GAS2L2: variants seen among roughly 807,000 people sequenced by gnomAD.
GAS2L2 encodes GAS2-like protein 2.
GAS2L2 carries 21 observed loss-of-function variants against 35.2 expected under a neutral mutation model. The observed-to-expected ratio is 0.60, with a 90% CI of 0.42 to 0.86. The LOEUF is 0.86. GAS2L2 is among the 40% of genes least tolerant of loss of function. The pLI, the probability that GAS2L2 is intolerant of heterozygous loss-of-function variation, is 0.00. For missense variants in GAS2L2, 1,169 were observed against 1,144.4 expected, an observed-to-expected ratio of 1.02 and a Z score of -0.31; for synonymous variants, 490 against 473.2, an observed-to-expected ratio of 1.04 and a Z score of -0.46.
At position 35,745,379 on chromosome 17, in the gene GAS2L2, C is replaced by G. The variant is rs782116399; in HGVS notation, c.2118G>C (p.Lys706Asn). 3.8e-6 allele frequency: 6 copies of G among 1,589,818 alleles called. No individual in the cohort carries two copies. The highest frequency in any genetic ancestry group is 1.7e-4 in the Middle Eastern group (1 of 5,920). The part of the protein sequence containing the change: ...LGARQSGPRT[K>N]ASLSAKGTHM... Reference sequence around the variant, plus strand: ...GGGTGCCCTTGGCACTCAGGCTTGCCTTTGTCCTGGGCCCACTCTGTCTGG... The same window carrying G: ...GGGTGCCCTTGGCACTCAGGCTTGCGTTTGTCCTGGGCCCACTCTGTCTGG... Residue 706 changes from lysine to asparagine, a missense_variant, in exon 6 of 6, where the codon AAG becomes AAC. Lys to Asn is a moderately conservative substitution (Grantham distance 94, BLOSUM62 0). This residue lies in a region of GAS2L2 where 1,035 missense variants were observed against 976.5 expected (regional missense o/e 1.06). Transcript: ENST00000604641.
chr17:35,747,662 G>T (rs1311877213), intron 4 of GAS2L2, among the ~76,000 whole-genome samples, 187 bp downstream of exon 4: 1 of 152,112 alleles, frequency 6.6e-6, no homozygotes, highest in Admixed American at 6.6e-5. Flanking sequence ...CCGCCATCTT[G>T]TGGCGACATT....
rs781822719 is a variant in GAS2L2 at position 35,746,983 on chromosome 17, A to G, written c.1085+33T>C. 4 of 1,512,444 alleles carry G rather than the reference A, an allele frequency of 2.6e-6. No homozygotes were observed. In the East Asian group the frequency reaches 6.8e-5, roughly 26 times the overall value. The allele number at this position is 1,512,444 out of a possible 1,614,324, so 93.7% of individuals were successfully genotyped here. On this transcript the variant is annotated intron_variant, in intron 5 of 5. Coordinates refer to ENST00000604641, the MANE Select transcript of GAS2L2 (RefSeq NM_139285.4). Reference sequence around the variant, plus strand: ...CCTCTGAGAATGTGCACTCCAAAGGAAAAAGAGCCCCATCCCTGTCTCTTC... The same window carrying G: ...CCTCTGAGAATGTGCACTCCAAAGGGAAAAGAGCCCCATCCCTGTCTCTTC...
Position 35,746,397 on chromosome 17 carries a change from G to T in GAS2L2, c.1100C>A (p.Ser367Tyr), listed in dbSNP as rs782487976. Residue 367 changes from serine to tyrosine, a missense_variant, in exon 6 of 6, where the codon TCT becomes TAT. By Grantham distance (144) the Ser-to-Tyr change is moderately radical. Around this residue, in one of 3 missense-constraint regions of GAS2L2, gnomAD observed 1,035 missense variants for 976.5 expected, o/e 1.06. Transcript: ENST00000604641. ...MAPFLRCQER[S>Y]LIPSWRQPTA... ...CGGCTGCCTCCAAGATGGGATGAGA[G>T]ACCTCTCCTGGCACCTGAAAGGGAG... is the stretch of plus-strand genomic sequence containing the variant. The T allele has an allele frequency of 8.2e-6, 11 of 1,343,134 alleles. No individual in the cohort carries two copies. The highest frequency in any genetic ancestry group is 1.1e-5 in the Non-Finnish European group (11 of 1,038,708). 83.2% of individuals were successfully genotyped at this position (1,343,134 alleles called of 1,614,324 possible).
intron 1 of GAS2L2, among the ~76,000 whole-genome samples, chr17:35,751,701 CCTTT>C (rs2085704220): frequency 6.6e-6 from 1 of 151,520 alleles, no homozygotes; most frequent in Non-Finnish European, 1.5e-5. Context: ...AAATCTCCTT[CCTTT>C]ATGATGCAAA....
intron 1 of GAS2L2, among the ~76,000 whole-genome samples, chr17:35,751,658 A>C: frequency 7.0e-6 from 1 of 143,550 alleles, no homozygotes. Context: ...ACAGATCTAG[A>C]CTCAGTTTCA....
At position 35,747,721 on chromosome 17, in the gene GAS2L2, C is replaced by T. The variant is rs587640599; in HGVS notation, c.832+128G>A. On this transcript the variant is annotated intron_variant, in intron 4 of 5. Transcript: ENST00000604641. ...CTGCCTGCCTTCCTCCAGCCTCCCC[C>T]ACACCTCCCCACCTACCGCTCCCCT... The T allele has an allele frequency of 6.8e-6, 5 of 730,488 alleles. No homozygotes were observed. In the East Asian group the frequency reaches 8.1e-5, roughly 12 times the overall value. 45.3% of individuals were successfully genotyped at this position (730,488 alleles called of 1,614,324 possible). A position where few individuals can be genotyped will look rare whatever the true frequency, so the allele number is the denominator to read the frequency against.
At chr17:35,747,585 A>G (rs2085676918) in intron 4 of GAS2L2, among the ~76,000 whole-genome samples, 1 of 152,150 alleles carries the variant, frequency 6.6e-6, no homozygotes, top group Admixed American at 6.5e-5. Flanking sequence ...AACACTGTGG[A>G]TCCCAGAGCC....
chr17:35,749,540 A>C (rs1598395860), intron 2 of GAS2L2, among the ~76,000 whole-genome samples: 1 of 152,222 alleles, frequency 6.6e-6, no homozygotes, highest in Middle Eastern at 3.4e-3. Flanking sequence ...CCTGAGCTCC[A>C]TTTTCCCCAG....
intron 2 of GAS2L2, among the ~76,000 whole-genome samples, chr17:35,749,850 G>A (rs782783728): frequency 6.6e-6 from 1 of 152,326 alleles, no homozygotes; most frequent in Non-Finnish European, 1.5e-5. Context: ...ATCCAGTGCT[G>A]GGTTGGTAAG....
In GAS2L2 at chr17:35,746,381, C is replaced by T; in HGVS notation, c.1116G>A (p.Trp372Ter). ...RCQERSLIPS[W>*]RQPTAGDSPP... ...GGCTGTCCCCAGCTGTCGGCTGCCT[C>T]CAAGATGGGATGAGAGACCTCTCCT... is the stretch of plus-strand genomic sequence containing the variant. The change falls in exon 6 of 6, where the codon TGG becomes TGA. Residue 372 changes from tryptophan to a stop codon, truncating the protein, a stop_gained. Coordinates refer to ENST00000604641, the MANE Select transcript of GAS2L2 (RefSeq NM_139285.4). LOFTEE classifies it low-confidence loss of function (END_TRUNC). 7.4e-7 allele frequency: 1 copy of T among 1,347,370 alleles called. No homozygotes were observed. The highest frequency in any genetic ancestry group is 2.8e-5 in the Admixed American group (1 of 36,126). 83.5% of individuals were successfully genotyped at this position (1,347,370 alleles called of 1,614,324 possible).
intron 4 of GAS2L2, 91 bp from the exon 5 acceptor site, chr17:35,747,359 C>T (rs2085675688): frequency 1.4e-6 from 2 of 1,397,722 alleles, no homozygotes; most frequent in Non-Finnish European, 1.9e-6. Flanking sequence ...GTCCCATGCC[C>T]CGCATCCCAC....
Position 35,745,573 on chromosome 17 carries a change from C to A in GAS2L2, c.1924G>T (p.Gly642Trp). ...RSGVYIPRLA[G>W]QWPEPGGPYD... ...GGACCCCCAGGCTCAGGCCACTGCC[C>A]AGCCAGCCTGGGGATGTAGACCCCA... The change falls in exon 6 of 6, where the codon GGG becomes TGG. Residue 642 changes from glycine (G) to tryptophan (W), a missense_variant. Coordinates refer to ENST00000604641, the MANE Select transcript of GAS2L2 (RefSeq NM_139285.4). 1 of 1,613,772 alleles carries A rather than the reference C, an allele frequency of 6.2e-7. No homozygotes were observed. Among genetic ancestry groups the A allele is most frequent in the Non-Finnish European group, 8.5e-7 (1 of 1,179,976 alleles).
In GAS2L2 at chr17:35,745,510, G is replaced by A. The variant is rs141500997; in HGVS notation, c.1987C>T (p.Pro663Ser). Residue 663 changes from proline to serine, a missense_variant, in exon 6 of 6, where the codon CCA (proline) becomes TCA (serine). This residue lies in a region of GAS2L2 where 1,035 missense variants were observed against 976.5 expected (regional missense o/e 1.06). Coordinates refer to ENST00000604641, the MANE Select transcript of GAS2L2 (RefSeq NM_139285.4). ...KAIQELAQGS[P>S]SLLKVDLEAW... Reference sequence around the variant, plus strand: ...TCCAGGTCCACTTTAAGGAGGGATGGGGACCCCTGAGCCAGTTCTTGGATG... The same window carrying A: ...TCCAGGTCCACTTTAAGGAGGGATGAGGACCCCTGAGCCAGTTCTTGGATG... 3.8e-4 allele frequency: 611 copies of A among 1,609,434 alleles called. No individual in the cohort carries two copies. The highest frequency in any genetic ancestry group is 5.0e-4 in the Middle Eastern group (3 of 6,044).
chr17:35,747,927 T>C lies in GAS2L2; in HGVS notation c.754A>G (p.Met252Val), dbSNP rs201670008. 1.2e-6 allele frequency: 2 copies of C among 1,613,766 alleles called. No homozygotes were observed. Among genetic ancestry groups the C allele is most frequent in the Non-Finnish European group, 1.7e-6 (2 of 1,179,850 alleles). The change falls in exon 4 of 6, where the codon ATG (methionine) becomes GTG (valine). Residue 252 changes from methionine (M) to valine (V), a missense_variant. Physicochemically the swap from Met to Val is conservative, Grantham distance 21. This residue lies in a region of GAS2L2 where 1,035 missense variants were observed against 976.5 expected (regional missense o/e 1.06). Coordinates refer to ENST00000604641, the MANE Select transcript of GAS2L2 (RefSeq NM_139285.4). ...IFIRILRNHV[M>V]VRVGGGWDTL... is the part of the protein sequence containing the mutation. ...TCCCAGCCGCCCCCTACACGTACCA[T>C]CACATGGTTCCGGAGGATCTGAGGG...
At position 35,746,425 on chromosome 17, in the gene GAS2L2, T is replaced by G; in HGVS notation, c.1086-14A>C. The stretch of plus-strand genomic sequence containing the variant: ...CTCTCCTGGCACCTGAAAGGGAGAA[T>G]CACAAGGCTGCAAAGGGAGACTCAT... On this transcript the variant is annotated splice_polypyrimidine_tract_variant and intron_variant, in intron 5 of 5. Transcript: ENST00000604641. The G allele has an allele frequency of 7.5e-7, 1 of 1,326,602 alleles. No individual in the cohort carries two copies. The highest frequency in any genetic ancestry group is 9.7e-7 in the Non-Finnish European group (1 of 1,028,752). The allele number at this position is 1,326,602 out of a possible 1,614,324, so 82.2% of individuals were successfully genotyped here.
In GAS2L2 at chr17:35,744,518, C is replaced by A. The variant is rs2143021166; in HGVS notation, c.*336G>T. On this transcript the variant is annotated 3_prime_UTR_variant, in exon 6 of 6. Transcript: ENST00000604641. ...AAAAAAGAAGCTGGGGGCTCAAGGG[C>A]AGAATCACATGCATTTAATAACTTA... The A allele has an allele frequency of 4.2e-6, 1 of 238,312 alleles. No individual in the cohort carries two copies. The highest frequency in any genetic ancestry group is 1.4e-3 in the Middle Eastern group (1 of 716). The allele number at this position is 238,312 out of a possible 1,614,324, so 14.8% of individuals were successfully genotyped here. A position where few individuals can be genotyped will look rare whatever the true frequency, so the allele number is the denominator to read the frequency against.
chr17:35,745,044 G>A lies in GAS2L2; in HGVS notation c.2453C>T (p.Ala818Val). 1.9e-6 allele frequency: 3 copies of A among 1,613,900 alleles called. No individual in the cohort carries two copies. Among genetic ancestry groups the A allele is most frequent in the Non-Finnish European group, 2.5e-6 (3 of 1,179,994 alleles). ...CTCCCCTCCCTTGCTGCCCAGCACA[G>A]CTCTCAACAGCCTGTCCTTGGGGGG... The part of the protein sequence containing the change: ...RQPPKDRLLR[A>V]VLGSKGGEAS... Residue 818 changes from alanine to valine, a missense_variant, in exon 6 of 6, where the codon GCT becomes GTT. By Grantham distance (64) the Ala-to-Val change is moderately conservative (BLOSUM62 0). This residue lies in a region of GAS2L2 where 1,035 missense variants were observed against 976.5 expected (regional missense o/e 1.06). Transcript: ENST00000604641.
Position 35,747,170 on chromosome 17 carries a change from T to C in GAS2L2, c.931A>G (p.Ile311Val), listed in dbSNP as rs2085674032. Residue 311 changes from isoleucine to valine, a missense_variant, in exon 5 of 6, where the codon ATC becomes GTC. Ile to Val is a conservative substitution (Grantham distance 29). Transcript: ENST00000604641. ...GGTGGTGGGCTCTGTGAGCGGCTGA[T>C]GGTCATTGTAGGCTGGGTCTGTGAG... ...GPSQTQPTMT[I>V]SRSQSPPPPV... is the part of the protein sequence containing the mutation. 1 of 1,613,926 alleles carries C rather than the reference T, an allele frequency of 6.2e-7. No individual in the cohort carries two copies. Among genetic ancestry groups the C allele is most frequent in the African/African-American group, 1.3e-5 (1 of 74,902 alleles).
rs1434989199 is a variant in GAS2L2 at position 35,745,487 on chromosome 17, C to T, written c.2010G>A (p.Leu670=). 1.3e-6 allele frequency: 2 copies of T among 1,599,894 alleles called. No individual in the cohort carries two copies. Among genetic ancestry groups the T allele is most frequent in the African/African-American group, 2.7e-5 (2 of 74,498 alleles). Reference sequence around the variant, plus strand: ...CAGTCGGGGCTGCCTTCCAGGCTTCCAGGTCCACTTTAAGGAGGGATGGGG... The same window carrying T: ...CAGTCGGGGCTGCCTTCCAGGCTTCTAGGTCCACTTTAAGGAGGGATGGGG... The part of the protein sequence containing the change: ...QGSPSLLKVD[L]EAWKAAPTGS... Residue 670 remains leucine, a synonymous_variant, in exon 6 of 6, where the codon CTG becomes CTA. Transcript: ENST00000604641.
Sources: gnomAD v4.1 joint callset for allele counts (sites outside exome capture counted in the v4.1 genomes callset) on GRCh38, gnomAD v4.1.1 for gene constraint, gnomAD v4.1.1 regional missense constraint, MANE v1.5 for transcripts, NCBI Gene and HGNC (gene_info 2026-07-23, HGNC 2026-07-21) for gene names.